Variants in CDK17 observed in about 807,000 individuals in gnomAD.
CDK17 encodes cyclin-dependent kinase 17.
Under a neutral mutation model 77.6 loss-of-function variants are expected in CDK17, and 24 were observed. The observed-to-expected ratio is 0.31, with a 90% CI of 0.22 to 0.44. The LOEUF (loss-of-function observed/expected upper bound fraction) is 0.44. Ranked by LOEUF, CDK17 falls within the 20% of genes least tolerant of loss-of-function variation. The probability of loss-of-function intolerance (pLI) is 1.00; values close to 1 mark genes in which losing one functional copy is unlikely to be tolerated. For synonymous variants in CDK17, 203 were observed against 210.4 expected (o/e 0.96, Z 0.30); for missense variants, 429 against 622.5 (o/e 0.69, Z 3.31).
intron 1 of CDK17, among the ~76,000 whole-genome samples, chr12:96,350,689 C>A (rs906531564): frequency 2.0e-5 from 3 of 152,016 alleles, no homozygotes; most frequent in Admixed American, 2.0e-4. Context: ...TGAAACTGGA[C>A]CATTACCTTA....
At chr12:96,334,671 T>C (rs1953016493) in intron 2 of CDK17, 48 bp downstream of exon 2, 1 of 945,970 alleles carries the variant, frequency 1.1e-6, no homozygotes, top group Non-Finnish European at 1.7e-6. Flanking sequence ...ATTCTATTCA[T>C]AAAGTAATTA....
intron 1 of CDK17, among the ~76,000 whole-genome samples, chr12:96,352,365 G>A (rs1007729319): frequency 7.2e-5 from 11 of 151,842 alleles, no homozygotes; most frequent in African/African-American, 2.4e-4. Flanking sequence ...GGTAAGGACC[G>A]AAGCCAGAAG....
chr12:96,297,296 T>C lies in CDK17; in HGVS notation c.847A>G (p.Asn283Asp). The change falls in exon 9 of 17, where the codon AAC (asparagine) becomes GAC (aspartate). Residue 283 changes from asparagine (N) to aspartate (D), a missense_variant. Asn to Asp is a conservative substitution (Grantham distance 23). Coordinates refer to ENST00000261211, the MANE Select transcript of CDK17 (RefSeq NM_002595.5). ...TTTACGTTGTGCATACTCATGATGT[T>C]TCCACAGTCATCCATGTACTGTTTC... ...DLKQYMDDCG[N>D]IMSMHNVKLF... 1 of 1,611,626 alleles carries C rather than the reference T, an allele frequency of 6.2e-7. No individual in the cohort carries two copies. Among genetic ancestry groups the C allele is most frequent in the Non-Finnish European group, 8.5e-7 (1 of 1,178,494 alleles).
intron 1 of CDK17, among the ~76,000 whole-genome samples, chr12:96,360,885 T>C (rs935711703): frequency 5.3e-5 from 8 of 152,186 alleles, no homozygotes; most frequent in Admixed American, 3.3e-4. Flanking sequence ...AAACTACACC[T>C]GTAATTTTAA....
At chr12:96,286,885 G>T in intron 11 of CDK17, 124 bp from the exon 12 acceptor site, 1 of 646,684 alleles carries the variant, frequency 1.5e-6, no homozygotes, top group South Asian at 1.9e-5. Context: ...CCTCTTGAAG[G>T]GATATTTTAG....
intron 1 of CDK17, among the ~76,000 whole-genome samples, chr12:96,384,146 A>G (rs1301406138): frequency 6.6e-6 from 1 of 152,210 alleles, no homozygotes; most frequent in Non-Finnish European, 1.5e-5. Flanking sequence ...CAAACACATG[A>G]AAAAAATGTT....
intron 1 of CDK17, among the ~76,000 whole-genome samples, chr12:96,371,137 T>TC (rs1012014888): frequency 1.0e-4 from 15 of 145,744 alleles, no homozygotes; most frequent in Admixed American, 2.8e-4. Flanking sequence ...ATCACTCATA[T>TC]CCCCCCCTTA....
intron 1 of CDK17, among the ~76,000 whole-genome samples, chr12:96,390,128 G>A (rs1004788520): frequency 6.8e-5 from 10 of 147,136 alleles, no homozygotes; most frequent in African/African-American, 2.2e-4. Context: ...GCGCCCGGCT[G>A]AAAAGAGGTA....
intron 1 of CDK17, among the ~76,000 whole-genome samples, chr12:96,375,576 G>A (rs1362855653): frequency 2.1e-5 from 3 of 144,976 alleles, no homozygotes; most frequent in African/African-American, 5.1e-5. Context: ...GTACAATGGC[G>A]CGATCTCAGC....
Position 96,378,690 on chromosome 12 carries a change from T to C in CDK17, c.-30+21296A>G, listed in dbSNP as rs1028778601. ...ATGTATATTGTTATTCATTTGGCAT[T>C]GTAACAGCAAAAAATAGAAAACAAC... On this transcript the variant is annotated intron_variant, in intron 1 of 16. Transcript: ENST00000261211. Among the ~76,000 whole-genome samples, 3 of 152,224 alleles carry C rather than the reference T, an allele frequency of 2.0e-5. No individual in the cohort carries two copies. In the South Asian group the frequency reaches 6.2e-4, roughly 31 times the overall value.
chr12:96,356,093 A>G (rs1953389128), intron 1 of CDK17, among the ~76,000 whole-genome samples: 1 of 152,276 alleles, frequency 6.6e-6, no homozygotes, highest in Middle Eastern at 3.4e-3. Context: ...CAAAAAGATA[A>G]AATATTAACT....
At chr12:96,290,176 C>T (rs1210112982) in intron 10 of CDK17, among the ~76,000 whole-genome samples, 1 of 152,170 alleles carries the variant, frequency 6.6e-6, no homozygotes, top group African/African-American at 2.4e-5. Flanking sequence ...ATTTGCCATT[C>T]CTTTGCTAAT....
chr12:96,349,313 C>A (rs766216518), intron 1 of CDK17, among the ~76,000 whole-genome samples: 1 of 151,966 alleles, frequency 6.6e-6, no homozygotes, highest in Non-Finnish European at 1.5e-5. Flanking sequence ...ATTAGCCGGG[C>A]ATGGTGGCGC....
At chr12:96,309,185 T>C (rs1043012701) in intron 5 of CDK17, among the ~76,000 whole-genome samples, 1 of 152,238 alleles carries the variant, frequency 6.6e-6, no homozygotes, top group Non-Finnish European at 1.5e-5. Flanking sequence ...TTACCCTTCA[T>C]ATCAGTTCTG....
In CDK17 at chr12:96,334,776, A is replaced by G; in HGVS notation, c.61T>C (p.Ser21Pro). Residue 21 changes from serine (S) to proline (P), a missense_variant, in exon 2 of 17, where the codon TCA becomes CCA. Ser to Pro is a moderately conservative substitution (Grantham distance 74). Around this residue, in one of 4 missense-constraint regions of CDK17, gnomAD observed 262 missense variants for 385.4 expected, o/e 0.68. Transcript: ENST00000261211. ...TLRGSQTIDE[S>P]LSELAEQMTI... Reference sequence around the variant, plus strand: ...ATTTGTTCAGCCAATTCAGACAATGATTCATCAATAGTCTGACTTCCTCGG... The same window carrying G: ...ATTTGTTCAGCCAATTCAGACAATGGTTCATCAATAGTCTGACTTCCTCGG... 6.2e-7 allele frequency: 1 copy of G among 1,612,448 alleles called. No individual in the cohort carries two copies. Among genetic ancestry groups the G allele is most frequent in the Non-Finnish European group, 8.5e-7 (1 of 1,178,688 alleles).
At chr12:96,283,814 C>T (rs1952208978) in intron 13 of CDK17, among the ~76,000 whole-genome samples, 169 bp from the exon 14 acceptor site, 1 of 152,160 alleles carries the variant, frequency 6.6e-6, no homozygotes, top group Admixed American at 6.5e-5. Context: ...AAAGACTGGC[C>T]TTGCTATTTG....
In CDK17 at chr12:96,348,543, C is replaced by A. The variant is rs200277450; in HGVS notation, c.-29-13678G>T. 8.6e-3 allele frequency among the ~76,000 whole-genome samples: 963 copies of A among 111,388 alleles called. 8 individuals carry two copies. Among genetic ancestry groups the A allele is most frequent in the East Asian group, 0.05 (200 of 4,012 alleles). The allele number at this position is 111,388 out of a possible 152,430, so 73.1% of individuals were successfully genotyped here. On this transcript the variant is annotated intron_variant, in intron 1 of 16. Transcript: ENST00000261211. ...TGTCTCAAAAAAAAAAAAAAAAAAA[C>A]AAAAAAGAAAAAAAAAATCAACAAA...
At position 96,394,856 on chromosome 12, in the gene CDK17, T is replaced by G. The variant is rs887337387; in HGVS notation, c.-30+5130A>C. Among the ~76,000 whole-genome samples, 3 of 138,876 alleles carry G rather than the reference T, an allele frequency of 2.2e-5. No homozygotes were observed. The East Asian group carries it at 6.4e-4, about 30-fold the overall frequency. The allele number at this position is 138,876 out of a possible 152,430, so 91.1% of individuals were successfully genotyped here. On this transcript the variant is annotated intron_variant, in intron 1 of 16. Coordinates refer to ENST00000261211, the MANE Select transcript of CDK17 (RefSeq NM_002595.5). ...AAAAATATTTATTATTTTATTTTTATTTATTATTTATTCAAAAAATCTATA... is the reference window on the plus strand; with the variant it reads ...AAAAATATTTATTATTTTATTTTTAGTTATTATTTATTCAAAAAATCTATA...
At chr12:96,302,951 G>C (rs1952527573) in intron 5 of CDK17, 1 of 152,158 alleles carries the variant, frequency 6.6e-6, no homozygotes, top group Non-Finnish European at 1.5e-5. Context: ...TGAATTGTCT[G>C]TCAGATCCTA....
Sources: allele counts gnomAD v4.1 joint callset (sites outside exome capture counted in the v4.1 genomes callset), GRCh38; gene constraint gnomAD v4.1.1; regional missense constraint gnomAD v4.1.1; transcripts MANE v1.5; gene names NCBI Gene and HGNC (gene_info 2026-07-23, HGNC 2026-07-21).